The following RNF182 variants were observed in gnomAD, a reference collection of about 807,000 sequenced individuals.
RNF182 encodes E3 ubiquitin-protein ligase RNF182.
In RNF182, 15 loss-of-function variants were observed where a neutral mutation model predicts 14.4. The ratio of observed to expected loss-of-function variants is 1.04; its 90% CI spans 0.70 to 1.60. RNF182 has a LOEUF of 1.60. Ranked by LOEUF, RNF182 falls within the 40% of genes most tolerant of loss-of-function variation. The pLI, the probability that RNF182 is intolerant of heterozygous loss-of-function variation, is 0.00. For synonymous variants in RNF182, 128 were observed against 122.9 expected (o/e 1.04, Z -0.27); for missense variants, 268 against 294.8 (o/e 0.91, Z 0.67).
At chr6:13,948,404 TATAACTATTAATGATAAC>T (rs1585036733) in intron 1 of RNF182, among the ~76,000 whole-genome samples, 1 of 152,326 alleles carries the variant, frequency 6.6e-6, no homozygotes, top group East Asian at 1.9e-4. Context: ...AGATAACAAT[TATAACTATTAATGATAAC>T]ATATACTAAG....
intron 1 of RNF182, among the ~76,000 whole-genome samples, chr6:13,938,863 A>G (rs1202789489): frequency 1.3e-5 from 2 of 152,162 alleles, no homozygotes; most frequent in African/African-American, 4.8e-5. Flanking sequence ...TGGGTGGATC[A>G]CCTGAGGTCA....
At chr6:13,933,808 G>A (rs532714936) in intron 1 of RNF182, among the ~76,000 whole-genome samples, 9 of 152,108 alleles carry the variant, frequency 5.9e-5, no homozygotes, top group Admixed American at 1.3e-4. Context: ...ACCTGAGGTC[G>A]GTAGTTCGAG....
At chr6:13,928,369 C>T (rs1467809078) in intron 1 of RNF182, among the ~76,000 whole-genome samples, 2 of 152,136 alleles carry the variant, frequency 1.3e-5, no homozygotes, top group African/African-American at 4.8e-5. Context: ...TGAAAGTCAA[C>T]CAACCTCTTA....
At chr6:13,970,520 G>T (rs1760148997) in intron 1 of RNF182, among the ~76,000 whole-genome samples, 1 of 152,016 alleles carries the variant, frequency 6.6e-6, no homozygotes, top group African/African-American at 2.4e-5. Flanking sequence ...CCATATCTTT[G>T]CTATTGTGGA....
intron 1 of RNF182, among the ~76,000 whole-genome samples, chr6:13,961,018 G>A (rs1759867358): frequency 6.6e-6 from 1 of 152,022 alleles, no homozygotes; most frequent in Non-Finnish European, 1.5e-5. Flanking sequence ...AAAGAGTAAG[G>A]TACTAAGCAA....
At chr6:13,936,312 A>G (rs1759107468) in intron 1 of RNF182, among the ~76,000 whole-genome samples, 1 of 152,234 alleles carries the variant, frequency 6.6e-6, no homozygotes, top group Non-Finnish European at 1.5e-5. Context: ...TGTACAGACA[A>G]TGATGGAAGA....
intron 1 of RNF182, among the ~76,000 whole-genome samples, chr6:13,966,332 CAAAT>C (rs1395890904): frequency 1.3e-5 from 2 of 152,062 alleles, no homozygotes; most frequent in Admixed American, 1.3e-4. Context: ...GGAATTGAAT[CAAAT>C]AAATCAAGTG....
At chr6:13,959,903 A>G (rs1280711631) in intron 1 of RNF182, among the ~76,000 whole-genome samples, 16 of 152,216 alleles carry the variant, frequency 1.1e-4, no homozygotes, top group Non-Finnish European at 4.4e-5. Flanking sequence ...GGGGGCAGTC[A>G]TCATGTCATG....
chr6:13,967,529 A>G (rs1354694944), intron 1 of RNF182, among the ~76,000 whole-genome samples: 1 of 152,234 alleles, frequency 6.6e-6, no homozygotes, highest in Non-Finnish European at 1.5e-5. Context: ...TAGGTATTCT[A>G]GAACCACACA....
At chr6:13,951,468 A>C (rs75537397) in intron 1 of RNF182, among the ~76,000 whole-genome samples, 1 of 152,218 alleles carries the variant, frequency 6.6e-6, no homozygotes, top group Non-Finnish European at 1.5e-5. Flanking sequence ...CAGGTGGTCA[A>C]GAACATGCTT....
chr6:13,951,792 C>T (rs1410541563), intron 1 of RNF182, among the ~76,000 whole-genome samples: 3 of 152,132 alleles, frequency 2.0e-5, no homozygotes, highest in African/African-American at 4.8e-5. Flanking sequence ...TTTTCCATTT[C>T]GTGGACCCAT....
At position 13,941,115 on chromosome 6, in the gene RNF182, T is replaced by C. The variant is rs117451221; in HGVS notation, c.-367+16092T>C. ...TTAATTGTATTGATCAAAGTTTCTATCTACAATTTTTCAGTCTGCTTGTTC... is the reference window on the plus strand; with the variant it reads ...TTAATTGTATTGATCAAAGTTTCTACCTACAATTTTTCAGTCTGCTTGTTC... On this transcript the variant is annotated intron_variant, in intron 1 of 2. Coordinates refer to ENST00000488300, the MANE Select transcript of RNF182 (RefSeq NM_152737.4). Among the ~76,000 whole-genome samples, 400 of 152,212 alleles carry C rather than the reference T, an allele frequency of 2.6e-3. 6 individuals are homozygous for C. In the East Asian group the frequency reaches 0.057, roughly 22 times the overall value.
At chr6:13,946,140 C>CTATT (rs10525203) in intron 1 of RNF182, among the ~76,000 whole-genome samples, 3 of 137,410 alleles carry the variant, frequency 2.2e-5, no homozygotes, top group South Asian at 2.4e-4. Flanking sequence ...TAAAGCAAAA[C>CTATT]ATTATTATTA....
chr6:13,963,964 T>C (rs1759946765), intron 1 of RNF182, among the ~76,000 whole-genome samples: 1 of 151,722 alleles, frequency 6.6e-6, no homozygotes, highest in Admixed American at 6.6e-5. Flanking sequence ...AATTAAAAAA[T>C]TTGAAATTGA....
chr6:13,940,616 T>C (rs369062538), intron 1 of RNF182, among the ~76,000 whole-genome samples: 1 of 152,124 alleles, frequency 6.6e-6, no homozygotes, highest in East Asian at 1.9e-4. Context: ...TTTCTGTTCA[T>C]AGTTTGTTCT....
At chr6:13,968,497 A>G (rs552847185) in intron 1 of RNF182, among the ~76,000 whole-genome samples, 1 of 152,378 alleles carries the variant, frequency 6.6e-6, no homozygotes, top group East Asian at 1.9e-4. Flanking sequence ...TAAAGAACAC[A>G]TAATTTTATC....
chr6:13,955,298 T>G (rs1759698732), intron 1 of RNF182, among the ~76,000 whole-genome samples: 1 of 152,174 alleles, frequency 6.6e-6, no homozygotes, highest in African/African-American at 2.4e-5. Flanking sequence ...GTACTAAGGA[T>G]TACACAGTAA....
At chr6:13,971,609 G>C (rs1760185353) in intron 1 of RNF182, among the ~76,000 whole-genome samples, 1 of 152,124 alleles carries the variant, frequency 6.6e-6, no homozygotes, top group Non-Finnish European at 1.5e-5. Context: ...GGAAAATGTG[G>C]GCAAGTTTGG....
intron 1 of RNF182, among the ~76,000 whole-genome samples, chr6:13,966,578 C>T (rs1760032294): frequency 6.6e-6 from 1 of 152,052 alleles, no homozygotes; most frequent in Admixed American, 6.6e-5. Context: ...GCCTGGGCAA[C>T]ATGGCAAAAC....
Sources: allele counts gnomAD v4.1 joint callset (sites outside exome capture counted in the v4.1 genomes callset), GRCh38; gene constraint gnomAD v4.1.1; transcripts MANE v1.5; gene names NCBI Gene and HGNC (gene_info 2026-07-23, HGNC 2026-07-21).